Variants in DENND5A observed in about 807,000 individuals in gnomAD.
DENND5A encodes DENN domain containing 5A.
A neutral mutation model predicts 140.3 loss-of-function variants in DENND5A; 64 were observed. The ratio of observed to expected loss-of-function variants is 0.46; its 90% CI spans 0.37 to 0.56. The LOEUF is 0.56. Among genes scored for constraint, DENND5A ranks in the 20% least tolerant of loss-of-function variants. The pLI is 0.00. For synonymous variants in DENND5A, 605 were observed against 607.7 expected (o/e 1.00, Z 0.07); for missense variants, 1,292 against 1,593.8 (o/e 0.81, Z 3.22).
chr11:9,141,902 C>T (rs1211186781), intron 22 of DENND5A, 38 bp downstream of exon 22: 3 of 1,526,246 alleles, frequency 2.0e-6, no homozygotes, highest in Non-Finnish European at 2.6e-6. Flanking sequence ...ACCACCAAGG[C>T]TAACCGCTGT....
At position 9,145,682 on chromosome 11, in the gene DENND5A, C is replaced by T. The variant is rs1590204830; in HGVS notation, c.2991G>A (p.Glu997=). ...QIMQIPRNVL[E]MTFECQNLGK... ...AAATAACACATACCTCGAAGGTCAT[C>T]TCTAGCACATTCCTGGGAATCTGCA... The change falls in exon 17 of 23, where the codon GAG becomes GAA. Residue 997 remains glutamate (E), a synonymous_variant. Transcript: ENST00000328194. 1 of 1,614,096 alleles carries T rather than the reference C, an allele frequency of 6.2e-7. No homozygotes were observed. Among genetic ancestry groups the T allele is most frequent in the African/African-American group, 1.3e-5 (1 of 74,946 alleles).
At chr11:9,241,417 G>A (rs1851229797) in intron 1 of DENND5A, among the ~76,000 whole-genome samples, 1 of 152,050 alleles carries the variant, frequency 6.6e-6, no homozygotes, top group Non-Finnish European at 1.5e-5. Flanking sequence ...TACTGGTCCA[G>A]AGACCAGACA....
chr11:9,176,789 C>T (rs943680932), intron 8 of DENND5A: 3 of 412,302 alleles, frequency 7.3e-6, no homozygotes, highest in African/African-American at 6.3e-5. Flanking sequence ...TCATTCACCC[C>T]TTCTTTCTTG....
chr11:9,243,746 C>T (rs1303192809), intron 1 of DENND5A, among the ~76,000 whole-genome samples: 11 of 151,934 alleles, frequency 7.2e-5, no homozygotes, highest in African/African-American at 2.7e-4. Flanking sequence ...ATTAGCCGGG[C>T]GTGGTGGTGG....
intron 1 of DENND5A, among the ~76,000 whole-genome samples, chr11:9,211,972 A>G (rs916895358): frequency 2.0e-5 from 3 of 151,784 alleles, no homozygotes; most frequent in South Asian, 2.1e-4. Flanking sequence ...GAGAACAGAC[A>G]TTACAATGCA....
At chr11:9,143,591 G>A (rs1590202622) in intron 19 of DENND5A, 106 bp from the exon 20 acceptor site, 2 of 925,536 alleles carry the variant, frequency 2.2e-6, no homozygotes, top group Admixed American at 3.5e-5. Flanking sequence ...GGAGAGGCAG[G>A]GCAGCTGGAC....
intron 5 of DENND5A, among the ~76,000 whole-genome samples, chr11:9,192,613 G>A (rs1849170953): frequency 1.3e-5 from 2 of 149,948 alleles, no homozygotes; most frequent in Admixed American, 6.7e-5. Context: ...GGGTGACAGT[G>A]CGAGACTTCG....
chr11:9,142,782 A>C lies in DENND5A; in HGVS notation c.3451T>G (p.Phe1151Val). 6.2e-7 allele frequency: 1 copy of C among 1,614,198 alleles called. No individual in the cohort carries two copies. Among genetic ancestry groups the C allele is most frequent in the South Asian group, 1.1e-5 (1 of 91,084 alleles). The change falls in exon 21 of 23, where the codon TTC becomes GTC. Residue 1151 changes from phenylalanine to valine, a missense_variant. Phe to Val is a conservative substitution (Grantham distance 50). Coordinates refer to ENST00000328194, the MANE Select transcript of DENND5A (RefSeq NM_015213.4). ...CGGGGCGATTTAAATCCATGCTGGAAAGCCTGTTCCAAGGCCGAGACAAGG... is the reference window on the plus strand; with the variant it reads ...CGGGGCGATTTAAATCCATGCTGGACAGCCTGTTCCAAGGCCGAGACAAGG... ...CGLVSALEQA[F>V]QHGFKSPRLF...
At chr11:9,193,795 C>T (rs748410911) in intron 4 of DENND5A, 114 bp from the exon 5 acceptor site, 15 of 923,316 alleles carry the variant, frequency 1.6e-5, no homozygotes, top group South Asian at 3.6e-5. Flanking sequence ...GAAACGATCA[C>T]GATAAACTTC....
chr11:9,139,892 C>T, intron 22 of DENND5A, 38 bp from the exon 23 acceptor site: 1 of 1,596,312 alleles, frequency 6.3e-7, no homozygotes, highest in Non-Finnish European at 8.6e-7. Context: ...GTCAGAGGGG[C>T]AAAGGAAAAG....
At position 9,180,907 on chromosome 11, in the gene DENND5A, G is replaced by A. The variant is rs376474189; in HGVS notation, c.1315C>T (p.Arg439Trp). Reference sequence around the variant, plus strand: ...TTGTCCGAGACAAGCTCAGAGGCCCGCAGCCTCTTCAGCTTGGAGGCACTC... The same window carrying A: ...TTGTCCGAGACAAGCTCAGAGGCCCACAGCCTCTTCAGCTTGGAGGCACTC... Reference protein sequence around the residue: ...SESASKLKRLRASELVSDKRN... With the variant: ...SESASKLKRLWASELVSDKRN... Residue 439 changes from arginine to tryptophan, a missense_variant, in exon 6 of 23, where the codon CGG (arginine) becomes TGG (tryptophan). Coordinates refer to ENST00000328194, the MANE Select transcript of DENND5A (RefSeq NM_015213.4). 8.7e-6 allele frequency: 14 copies of A among 1,614,000 alleles called. No homozygotes were observed. Among genetic ancestry groups the A allele is most frequent in the Admixed American group, 6.7e-5 (4 of 59,998 alleles).
chr11:9,230,717 G>A lies in DENND5A; in HGVS notation c.110-23085C>T, dbSNP rs953728576. On this transcript the variant is annotated intron_variant, in intron 1 of 22. Transcript: ENST00000328194. ...ATGAGGAGAACAATACCTAAGCCAG[G>A]CACAGTGGCTCACATCTGTAATCCC... Among the ~76,000 whole-genome samples the A allele has an allele frequency of 2.6e-5, 4 of 152,030 alleles. No homozygotes were observed. The South Asian group carries it at 8.3e-4, about 32-fold the overall frequency.
At chr11:9,162,333 G>A (rs941249045) in intron 11 of DENND5A, among the ~76,000 whole-genome samples, 2 of 138,970 alleles carry the variant, frequency 1.4e-5, no homozygotes, top group African/African-American at 2.7e-5. Context: ...CCGCCTCCCC[G>A]GTTCAAGCAA....
chr11:9,166,513 A>C (rs957994846), intron 10 of DENND5A, among the ~76,000 whole-genome samples: 2 of 152,130 alleles, frequency 1.3e-5, no homozygotes, highest in Non-Finnish European at 2.9e-5. Context: ...GCACTCCCCA[A>C]ATGGTATAAT....
rs575258916 is a variant in DENND5A, at chr11:9,218,782, G to T, written c.110-11150C>A. On this transcript the variant is annotated intron_variant, in intron 1 of 22. Coordinates refer to ENST00000328194, the MANE Select transcript of DENND5A (RefSeq NM_015213.4). ...GCACTTCAGGAGGCTGAGACAGGTG[G>T]ATCACCTGAGGTCAGGAGTGCAAGA... Among the ~76,000 whole-genome samples, 17 of 152,232 alleles carry T rather than the reference G, an allele frequency of 1.1e-4. No individual in the cohort carries two copies. The East Asian group carries it at 3.1e-3, about 28-fold the overall frequency.
chr11:9,161,807 G>C (rs796796679), intron 11 of DENND5A, among the ~76,000 whole-genome samples: 5 of 152,054 alleles, frequency 3.3e-5, no homozygotes, highest in African/African-American at 9.6e-5. Flanking sequence ...GAGAAATACA[G>C]TAATCAATAT....
At chr11:9,226,030 T>TG (rs1322022635) in intron 1 of DENND5A, among the ~76,000 whole-genome samples, 1 of 148,616 alleles carries the variant, frequency 6.7e-6, no homozygotes, top group African/African-American at 2.5e-5. Flanking sequence ...CAATGAGCTG[T>TG]GCTCATGCCA....
intron 8 of DENND5A, among the ~76,000 whole-genome samples, chr11:9,172,420 T>A (rs903852967): frequency 2.0e-5 from 3 of 152,112 alleles, no homozygotes; most frequent in Non-Finnish European, 4.4e-5. Context: ...CAGAAAACAA[T>A]GGAAGTGTAA....
intron 14 of DENND5A, 66 bp from the exon 15 acceptor site, chr11:9,150,275 A>C (rs1475454327): frequency 2.5e-6 from 4 of 1,576,468 alleles, no homozygotes; most frequent in East Asian, 2.3e-5. Context: ...CCAATAACTT[A>C]CCTGTAAAGC....
Sources: allele counts gnomAD v4.1 joint callset (sites outside exome capture counted in the v4.1 genomes callset), GRCh38; gene constraint gnomAD v4.1.1; transcripts MANE v1.5; gene names NCBI Gene and HGNC (gene_info 2026-07-23, HGNC 2026-07-21).